NWD2: variants seen among roughly 807,000 people sequenced by gnomAD.
NWD2 encodes the protein NACHT and WD repeat domain containing 2.
NWD2 carries 37 observed loss-of-function variants against 132.7 expected under a neutral mutation model. That is an observed-to-expected ratio of 0.28 (90% confidence interval 0.21 to 0.37). The LOEUF (loss-of-function observed/expected upper bound fraction) is 0.37, where lower values mean the gene tolerates loss of function less well. NWD2 is among the 10% of genes least tolerant of loss of function. The probability of loss-of-function intolerance (pLI) is 1.00; values close to 1 mark genes in which losing one functional copy is unlikely to be tolerated. For synonymous variants in NWD2, 705 were observed against 803.0 expected (o/e 0.88, Z 2.06); for missense variants, 1,592 against 2,122.4 (o/e 0.75, Z 4.91).
intron 2 of NWD2, among the ~76,000 whole-genome samples, chr4:37,326,883 A>T (rs754245085): frequency 6.6e-5 from 10 of 152,156 alleles, no homozygotes; most frequent in Non-Finnish European, 1.0e-4. Flanking sequence ...TAAATATTTT[A>T]TCTTGATATA....
intron 3 of NWD2, among the ~76,000 whole-genome samples, chr4:37,373,602 G>T (rs992989934): frequency 6.6e-6 from 1 of 152,134 alleles, no homozygotes; most frequent in African/African-American, 2.4e-5. Flanking sequence ...CTCATCACTG[G>T]AAATGTTTAG....
chr4:37,429,887 T>C (rs1712122048), intron 3 of NWD2, among the ~76,000 whole-genome samples: 1 of 152,242 alleles, frequency 6.6e-6, no homozygotes, highest in South Asian at 2.1e-4. Context: ...GGGCTCTGAA[T>C]ACATATTGCC....
chr4:37,354,113 A>C (rs2127445), intron 2 of NWD2, among the ~76,000 whole-genome samples: 147,070 of 152,248 alleles, frequency 0.97, 71,255 homozygotes, highest in East Asian at 1. Flanking sequence ...TGCTGCAGGT[A>C]TCCTGGAGTT....
In NWD2 at chr4:37,445,190, G is replaced by A. The variant is rs766054873; in HGVS notation, c.3202G>A (p.Ala1068Thr). 69 of 1,551,730 alleles carry A rather than the reference G, an allele frequency of 4.4e-5. No individual in the cohort carries two copies. The Admixed American group carries it at 4.5e-4, about 10-fold the overall frequency. Residue 1068 changes from alanine to threonine, a missense_variant, in exon 7 of 7, where the codon GCC becomes ACC. Physicochemically the swap from Ala to Thr is moderately conservative, Grantham distance 58. Around this residue, in one of 7 missense-constraint regions of NWD2, gnomAD observed 1,071 missense variants for 1,398.0 expected, o/e 0.77. Transcript: ENST00000309447. The surrounding 1 kb of genome is among the most constrained non-coding windows in gnomAD (Gnocchi z 4.7). ...CTACATCAATGGATTTACACTGTCCGCCAACCACGCCCTTGCATGGCTCGA... is the reference window on the plus strand; with the variant it reads ...CTACATCAATGGATTTACACTGTCCACCAACCACGCCCTTGCATGGCTCGA... Reference protein sequence around the residue: ...ATYINGFTLSANHALAWLEAS... With the variant: ...ATYINGFTLSTNHALAWLEAS...
chr4:37,278,124 G>A (rs1467337040), intron 1 of NWD2, among the ~76,000 whole-genome samples: 2 of 152,108 alleles, frequency 1.3e-5, no homozygotes, highest in South Asian at 2.1e-4. Flanking sequence ...TATGGGATGG[G>A]TAATGCATTT....
intron 3 of NWD2, among the ~76,000 whole-genome samples, chr4:37,423,503 G>A (rs1317991499): frequency 1.3e-5 from 2 of 152,158 alleles, no homozygotes; most frequent in African/African-American, 2.4e-5. Flanking sequence ...CAAGTGCAAA[G>A]GCCAAAGAAA....
intron 1 of NWD2, among the ~76,000 whole-genome samples, chr4:37,288,164 T>G (rs993737712): frequency 3.3e-5 from 5 of 151,750 alleles, no homozygotes; most frequent in Admixed American, 6.6e-5. Flanking sequence ...CTCTTAGGGG[T>G]TGAAGGGAGG....
chr4:37,325,104 C>T (rs1329722121), intron 1 of NWD2, among the ~76,000 whole-genome samples: 1 of 152,146 alleles, frequency 6.6e-6, no homozygotes, highest in Non-Finnish European at 1.5e-5. Flanking sequence ...TAGAATCTTA[C>T]AGTGCCATCA....
chr4:37,378,043 CATT>C (rs1179594718), intron 3 of NWD2, among the ~76,000 whole-genome samples: 3 of 152,172 alleles, frequency 2.0e-5, no homozygotes, highest in African/African-American at 4.8e-5. Flanking sequence ...AAAAATTAAT[CATT>C]AAACATTTTA....
intron 2 of NWD2, 146 bp from the exon 3 acceptor site, chr4:37,356,220 C>T (rs1463523295): frequency 2.3e-6 from 1 of 442,610 alleles, no homozygotes; most frequent in Non-Finnish European, 4.0e-6. Flanking sequence ...AATGAAAAAT[C>T]TCTCTAAATG....
intron 2 of NWD2, among the ~76,000 whole-genome samples, chr4:37,339,127 T>C (rs894278925): frequency 6.6e-6 from 1 of 152,230 alleles, no homozygotes; most frequent in East Asian, 1.9e-4. Context: ...CATCAAAGCC[T>C]GGACCAACCT....
intron 1 of NWD2, among the ~76,000 whole-genome samples, chr4:37,310,780 C>T (rs1398352751): frequency 2.0e-5 from 2 of 98,152 alleles, no homozygotes; most frequent in Non-Finnish European, 3.9e-5. Context: ...CTATCCCTCC[C>T]CCCTCCCCCC....
At chr4:37,267,288 G>A (rs974369053) in intron 1 of NWD2, among the ~76,000 whole-genome samples, 29 of 151,814 alleles carry the variant, frequency 1.9e-4, no homozygotes, top group African/African-American at 6.8e-4. Flanking sequence ...ATTACTTATT[G>A]GTGGTTTACT....
Position 37,446,501 on chromosome 4 carries a change from A to G in NWD2, c.4513A>G (p.Ile1505Val), listed in dbSNP as rs1175682772. ...TATCACATCGGCCGAGACTGTGAACATCTGGAGTCTGACAGATGAAGTGAT... is the reference window on the plus strand; with the variant it reads ...TATCACATCGGCCGAGACTGTGAACGTCTGGAGTCTGACAGATGAAGTGAT... ...VFITSAETVN[I>V]WSLTDEVICR... The change falls in exon 7 of 7, where the codon ATC becomes GTC. Residue 1505 changes from isoleucine to valine, a missense_variant. Coordinates refer to ENST00000309447, the MANE Select transcript of NWD2 (RefSeq NM_001144990.2). The surrounding 1 kb of genome is among the most constrained non-coding windows in gnomAD (Gnocchi z 6.7). 3 of 1,551,746 alleles carry G rather than the reference A, an allele frequency of 1.9e-6. No homozygotes were observed. The highest frequency in any genetic ancestry group is 2.4e-5 in the East Asian group (1 of 40,918).
intron 2 of NWD2, among the ~76,000 whole-genome samples, chr4:37,336,223 TTC>T (rs1719403727): frequency 6.6e-6 from 1 of 152,202 alleles, no homozygotes; most frequent in African/African-American, 2.4e-5. Context: ...TTCTTTGTTA[TTC>T]TTTCTCTGAC....
chr4:37,445,006 C>G lies in NWD2; in HGVS notation c.3018C>G (p.Thr1006=), dbSNP rs1248299621. ...VETRQLLRQI[T]TAQSVILGMK... ...CTCGACAGCTACTCAGGCAAATCACCACAGCCCAGTCTGTCATCCTGGGCA... is the reference window on the plus strand; with the variant it reads ...CTCGACAGCTACTCAGGCAAATCACGACAGCCCAGTCTGTCATCCTGGGCA... The change falls in exon 7 of 7, where the codon ACC becomes ACG. Residue 1006 remains threonine (T), a synonymous_variant. Transcript: ENST00000309447. This position sits in a 1 kb window ranked among gnomAD's most constrained non-coding sequence, Gnocchi z 4.7. 3 of 1,551,970 alleles carry G rather than the reference C, an allele frequency of 1.9e-6. No homozygotes were observed. The Admixed American group carries it at 5.9e-5, about 30-fold the overall frequency.
rs536011525 is a variant in NWD2, at chr4:37,272,132, GTTC to G, written c.151+26921_151+26923del. ...TGATTTTCAAATGTTAAAGCAACCT[GTTC>G]TTCTTCAGATAACCTAACTTGGTCG... On this transcript the variant is annotated intron_variant, in intron 1 of 6. Transcript: ENST00000309447. Among the ~76,000 whole-genome samples, 8 of 151,808 alleles carry G rather than the reference GTTC, an allele frequency of 5.3e-5. No individual in the cohort carries two copies. The South Asian group carries it at 1.5e-3, about 28-fold the overall frequency.
intron 2 of NWD2, among the ~76,000 whole-genome samples, chr4:37,326,639 C>T (rs1719179009): frequency 6.6e-6 from 1 of 152,116 alleles, no homozygotes; most frequent in Non-Finnish European, 1.5e-5. Flanking sequence ...GAAAACATTG[C>T]ATGTATCTTG....
chr4:37,265,334 G>T (rs1157834), intron 1 of NWD2, among the ~76,000 whole-genome samples: 2,895 of 152,210 alleles, frequency 0.019, 109 homozygotes, highest in African/African-American at 0.066. Context: ...TTACCGTATA[G>T]TTACTAACAT....
Sources: gnomAD v4.1 joint callset for allele counts (sites outside exome capture counted in the v4.1 genomes callset) on GRCh38, gnomAD v4.1.1 for gene constraint, gnomAD v4.1.1 regional missense constraint, Gnocchi (gnomAD v3.1) non-coding constraint, MANE v1.5 for transcripts, NCBI Gene and HGNC (gene_info 2026-07-23, HGNC 2026-07-21) for gene names.